Variants in INPP4B observed in about 807,000 individuals in gnomAD.
INPP4B encodes the protein inositol polyphosphate-4-phosphatase type II B.
Under a neutral mutation model 122.5 loss-of-function variants are expected in INPP4B, and 55 were observed. That is an observed-to-expected ratio of 0.45 (90% CI 0.36 to 0.56). The LOEUF is 0.56. Ranked by LOEUF, INPP4B falls within the 20% of genes least tolerant of loss-of-function variation. The pLI, the probability that INPP4B is intolerant of heterozygous loss-of-function variation, is 0.00. For missense variants in INPP4B, 1,000 were observed against 1,097.7 expected, an observed-to-expected ratio of 0.91 and a Z score of 1.26; for synonymous variants, 403 against 388.7, an observed-to-expected ratio of 1.04 and a Z score of -0.43.
chr4:142,185,813 A>C (rs1832946960), intron 15 of INPP4B, among the ~76,000 whole-genome samples: 2 of 147,084 alleles, frequency 1.4e-5, no homozygotes, highest in African/African-American at 5.0e-5. Context: ...TGAGAGGCGG[A>C]GCTTGCAGTG....
intron 2 of INPP4B, among the ~76,000 whole-genome samples, chr4:142,633,229 C>T (rs1472595274): frequency 2.0e-5 from 3 of 151,854 alleles, no homozygotes; most frequent in Admixed American, 2.0e-4. Context: ...ACACCTAATA[C>T]TATAGTTTCA....
intron 10 of INPP4B, among the ~76,000 whole-genome samples, chr4:142,269,768 C>G (rs760887410): frequency 5.3e-5 from 8 of 152,108 alleles, no homozygotes; most frequent in Non-Finnish European, 1.0e-4. Flanking sequence ...TGTTAATTAA[C>G]CTGATTAATC....
At chr4:142,543,638 C>T (rs1271363944) in intron 2 of INPP4B, among the ~76,000 whole-genome samples, 1 of 152,006 alleles carries the variant, frequency 6.6e-6, no homozygotes, top group Non-Finnish European at 1.5e-5. Flanking sequence ...GTTTGCTGTT[C>T]TTCATTGCAC....
At chr4:142,448,460 T>C (rs1345295575) in intron 3 of INPP4B, among the ~76,000 whole-genome samples, 1 of 152,080 alleles carries the variant, frequency 6.6e-6, no homozygotes, top group African/African-American at 2.4e-5. Context: ...CAGGACTTCA[T>C]TCTAGTAAAC....
chr4:142,786,369 A>C (rs1207941680), intron 1 of INPP4B, among the ~76,000 whole-genome samples: 1 of 152,184 alleles, frequency 6.6e-6, no homozygotes, highest in Admixed American at 6.6e-5. Context: ...GCAAAAAATA[A>C]ATTCATATTA....
chr4:142,505,424 C>T (rs1288035395), intron 2 of INPP4B, among the ~76,000 whole-genome samples: 5 of 151,984 alleles, frequency 3.3e-5, no homozygotes, highest in East Asian at 3.9e-4. Context: ...AGTGGGCCCA[C>T]GGGCTTTGGT....
chr4:142,282,878 C>T (rs1751843220), intron 9 of INPP4B, among the ~76,000 whole-genome samples: 1 of 152,056 alleles, frequency 6.6e-6, no homozygotes. Flanking sequence ...TCTTGGGGAA[C>T]ATCTTAGCAT....
At chr4:142,305,400 T>C in intron 9 of INPP4B, 58 bp downstream of exon 9, 1 of 1,283,536 alleles carries the variant, frequency 7.8e-7, no homozygotes. Context: ...ACACTGGCCA[T>C]CAATAAATAT....
intron 12 of INPP4B, among the ~76,000 whole-genome samples, chr4:142,229,589 G>A (rs1853245105): frequency 6.6e-6 from 1 of 152,110 alleles, no homozygotes; most frequent in Admixed American, 6.6e-5. Flanking sequence ...CCAATGTTTT[G>A]ATAGAGGCAT....
At chr4:142,248,836 TCTAA>T (rs1730477371) in intron 11 of INPP4B, among the ~76,000 whole-genome samples, 1 of 152,110 alleles carries the variant, frequency 6.6e-6, no homozygotes, top group South Asian at 2.1e-4. Context: ...TTCACCAAAT[TCTAA>T]CTGATTGGAG....
intron 1 of INPP4B, among the ~76,000 whole-genome samples, chr4:142,752,217 G>C (rs1337627842): frequency 1.3e-5 from 2 of 151,966 alleles, no homozygotes; most frequent in African/African-American, 4.8e-5. Context: ...AGCTGAAAAA[G>C]AAAATTAAGT....
chr4:142,464,084 G>A (rs950139576), intron 2 of INPP4B, among the ~76,000 whole-genome samples: 1 of 152,072 alleles, frequency 6.6e-6, no homozygotes, highest in Non-Finnish European at 1.5e-5. Flanking sequence ...GAGTCCCACA[G>A]GTAAAGAGTA....
At chr4:142,299,658 A>C (rs762566774) in intron 9 of INPP4B, among the ~76,000 whole-genome samples, 1 of 151,650 alleles carries the variant, frequency 6.6e-6, no homozygotes, top group Non-Finnish European at 1.5e-5. Flanking sequence ...AGTTAATCAT[A>C]TATGTGCTAC....
At chr4:142,099,248 T>C (rs1410796614) in intron 23 of INPP4B, among the ~76,000 whole-genome samples, 1 of 152,184 alleles carries the variant, frequency 6.6e-6, no homozygotes, top group African/African-American at 2.4e-5. Context: ...AAACTTAAGC[T>C]TGTCCTGCAG....
intron 2 of INPP4B, among the ~76,000 whole-genome samples, chr4:142,488,532 T>G (rs903225335): frequency 6.6e-6 from 1 of 152,140 alleles, no homozygotes; most frequent in African/African-American, 2.4e-5. Flanking sequence ...TGAGAATGTT[T>G]TGAATTCCAA....
chr4:142,188,518 AATAT>A (rs1834283430), intron 15 of INPP4B, among the ~76,000 whole-genome samples: 1 of 105,094 alleles, frequency 9.5e-6, no homozygotes, highest in Non-Finnish European at 1.9e-5. Flanking sequence ...AAAGAAAAAA[AATAT>A]ATATAGCTTG....
At chr4:142,296,784 T>A (rs940904605) in intron 9 of INPP4B, among the ~76,000 whole-genome samples, 18 of 152,234 alleles carry the variant, frequency 1.2e-4, no homozygotes, top group Non-Finnish European at 2.4e-4. Context: ...ATGCTTTGCA[T>A]TCTCCCCAAG....
At chr4:142,496,525 A>G (rs1822589416) in intron 2 of INPP4B, among the ~76,000 whole-genome samples, 1 of 152,090 alleles carries the variant, frequency 6.6e-6, no homozygotes, top group Non-Finnish European at 1.5e-5. Context: ...TTTTATTTAC[A>G]TTTCTACCAT....
At chr4:142,168,339 C>T (rs1290292664) in intron 16 of INPP4B, among the ~76,000 whole-genome samples, 2 of 151,404 alleles carry the variant, frequency 1.3e-5, no homozygotes, top group South Asian at 2.1e-4. Context: ...ATCATATTTT[C>T]CTGCTTCATG....
Sources: gnomAD v4.1 joint callset for allele counts (sites outside exome capture counted in the v4.1 genomes callset) on GRCh38, gnomAD v4.1.1 for gene constraint, MANE v1.5 for transcripts, NCBI Gene and HGNC (gene_info 2026-07-23, HGNC 2026-07-21) for gene names.